Variants in SEMA6D observed in about 807,000 individuals in gnomAD.
SEMA6D encodes semaphorin-6D.
A neutral mutation model predicts 106.6 loss-of-function variants in SEMA6D; 35 were observed. That is an observed-to-expected ratio of 0.33 (90% confidence interval 0.25 to 0.44). SEMA6D has a LOEUF of 0.44. SEMA6D is among the 20% of genes least tolerant of loss of function. SEMA6D has a pLI of 1.00. For missense variants in SEMA6D, 1,185 were observed against 1,345.9 expected (o/e 0.88, Z 1.87); for synonymous variants, 499 against 487.7 (o/e 1.02, Z -0.31).
chr15:47,409,926 A>G (rs1001448172), intron 1 of SEMA6D, among the ~76,000 whole-genome samples: 2 of 152,060 alleles, frequency 1.3e-5, no homozygotes, highest in Non-Finnish European at 2.9e-5. Flanking sequence ...CAGGTCTTAG[A>G]TTTTAGGCTA....
chr15:47,454,599 G>GCGCACACACACACACA (rs113699947), intron 2 of SEMA6D, among the ~76,000 whole-genome samples: 26 of 148,872 alleles, frequency 1.7e-4, no homozygotes, highest in African/African-American at 6.4e-4. Context: ...TTGCACATGT[G>GCGCACACACACACACA]CACACACACA....
chr15:47,396,444 G>A (rs1285054067), intron 1 of SEMA6D: 2 of 153,026 alleles, frequency 1.3e-5, no homozygotes, highest in Non-Finnish European at 2.9e-5. Flanking sequence ...TAGGGAAGCT[G>A]ACAGTACAGC....
chr15:47,731,661 G>A (rs1191898818), intron 1 of SEMA6D, among the ~76,000 whole-genome samples: 1 of 152,124 alleles, frequency 6.6e-6, no homozygotes, highest in East Asian at 1.9e-4. Flanking sequence ...AAAAAACTTG[G>A]TAATTATTAC....
At chr15:47,728,769 G>A (rs915454229) in intron 1 of SEMA6D, among the ~76,000 whole-genome samples, 6 of 152,134 alleles carry the variant, frequency 3.9e-5, no homozygotes, top group South Asian at 2.1e-4. Context: ...CTTCTCACAC[G>A]TGACCCTTTT....
chr15:47,314,154 A>G (rs1014308032), intron 1 of SEMA6D, among the ~76,000 whole-genome samples: 3 of 152,162 alleles, frequency 2.0e-5, no homozygotes, highest in African/African-American at 7.2e-5. Flanking sequence ...GTAGTGTTAT[A>G]TAATCTTAAT....
intron 1 of SEMA6D, among the ~76,000 whole-genome samples, chr15:47,343,301 C>T (rs906539198): frequency 9.7e-5 from 13 of 134,456 alleles, no homozygotes; most frequent in African/African-American, 3.9e-4. Context: ...ACATATGCAC[C>T]ATGTGCAGGT....
chr15:47,411,114 T>C (rs1386145065), intron 1 of SEMA6D, among the ~76,000 whole-genome samples: 1 of 152,016 alleles, frequency 6.6e-6, no homozygotes, highest in South Asian at 2.1e-4. Flanking sequence ...TTGTTTTGTT[T>C]TGACAGAGTC....
chr15:47,273,590 C>T (rs72731770), intron 1 of SEMA6D, among the ~76,000 whole-genome samples: 9,140 of 152,172 alleles, frequency 0.06, 401 homozygotes, highest in Non-Finnish European at 0.093. Context: ...TATCCTTAGC[C>T]GGAAAATATG....
chr15:47,521,531 A>G (rs2044576984), intron 3 of SEMA6D, among the ~76,000 whole-genome samples: 1 of 152,174 alleles, frequency 6.6e-6, no homozygotes, highest in Non-Finnish European at 1.5e-5. Context: ...GAGTAAATGG[A>G]TGACTCCTAC....
chr15:47,750,559 GC>G (rs1330045809), intron 1 of SEMA6D, among the ~76,000 whole-genome samples: 1 of 152,136 alleles, frequency 6.6e-6, no homozygotes, highest in East Asian at 1.9e-4. Context: ...CTCCTGTCAG[GC>G]CCTTCCTTGC....
chr15:47,247,242 G>C (rs371541542), intron 1 of SEMA6D, among the ~76,000 whole-genome samples: 9 of 152,152 alleles, frequency 5.9e-5, no homozygotes, highest in African/African-American at 2.2e-4. Flanking sequence ...AGGGAGACGA[G>C]AAAGTTCTGT....
chr15:47,690,397 A>G (rs911146541), intron 4 of SEMA6D, among the ~76,000 whole-genome samples: 3 of 152,222 alleles, frequency 2.0e-5, no homozygotes, highest in African/African-American at 7.2e-5. Context: ...TGTAAAATAG[A>G]CAATTAGCAT....
At chr15:47,421,202 C>T (rs2041141845) in intron 2 of SEMA6D, among the ~76,000 whole-genome samples, 1 of 152,080 alleles carries the variant, frequency 6.6e-6, no homozygotes. Flanking sequence ...CCTTGTTATA[C>T]TCCTCATTCT....
At chr15:47,611,157 ACACACAC>A (rs1471647808) in intron 4 of SEMA6D, among the ~76,000 whole-genome samples, 9 of 85,602 alleles carry the variant, frequency 1.1e-4, no homozygotes, top group Non-Finnish European at 2.8e-5. Flanking sequence ...ATACACACAC[ACACACAC>A]ACACACACAC....
intron 1 of SEMA6D, among the ~76,000 whole-genome samples, chr15:47,350,942 C>T (rs2038300898): frequency 6.6e-6 from 1 of 152,068 alleles, no homozygotes; most frequent in Non-Finnish European, 1.5e-5. Flanking sequence ...ACTTTCATTG[C>T]CAAACTCCTG....
intron 8 of SEMA6D, among the ~76,000 whole-genome samples, chr15:47,762,603 A>G (rs549027608): frequency 2.0e-5 from 3 of 152,348 alleles, no homozygotes; most frequent in African/African-American, 4.8e-5. Context: ...CTAAATGCAC[A>G]TAATACTACT....
chr15:47,260,020 A>G (rs1421228229), intron 1 of SEMA6D, among the ~76,000 whole-genome samples: 1 of 149,042 alleles, frequency 6.7e-6, no homozygotes, highest in Non-Finnish European at 1.5e-5. Context: ...CATTTTGGTT[A>G]TTGTATTTCC....
At chr15:47,277,609 A>AAT (rs1555414607) in intron 1 of SEMA6D, among the ~76,000 whole-genome samples, 4 of 128,600 alleles carry the variant, frequency 3.1e-5, no homozygotes, top group Non-Finnish European at 3.4e-5. Flanking sequence ...TATTATTATT[A>AAT]TTATTTATTA....
At chr15:47,372,523 G>A (rs1689872399) in intron 1 of SEMA6D, among the ~76,000 whole-genome samples, 1 of 152,132 alleles carries the variant, frequency 6.6e-6, no homozygotes, top group Admixed American at 6.5e-5. Context: ...TCCCTATTTA[G>A]CTCACCTTCC....
Sources: gnomAD v4.1 joint callset for allele counts (sites outside exome capture counted in the v4.1 genomes callset) on GRCh38, gnomAD v4.1.1 for gene constraint, MANE v1.5 for transcripts, NCBI Gene and HGNC (gene_info 2026-07-23, HGNC 2026-07-21) for gene names.